The following ST6GALNAC3 variants were observed in gnomAD, a reference collection of about 807,000 sequenced individuals.
The protein encoded by ST6GALNAC3 is alpha-N-acetylgalactosaminide alpha-2,6-sialyltransferase 3.
ST6GALNAC3 carries 25 observed loss-of-function variants against 32.7 expected under a neutral mutation model. The ratio of observed to expected loss-of-function variants is 0.76; its 90% confidence interval spans 0.56 to 1.07. The LOEUF is 1.07. ST6GALNAC3 is among the 50% of genes least tolerant of loss of function. ST6GALNAC3 has a pLI of 0.00. For missense variants in ST6GALNAC3, 355 were observed against 382.4 expected, an observed-to-expected ratio of 0.93 and a Z score of 0.60; for synonymous variants, 129 against 133.1, an observed-to-expected ratio of 0.97 and a Z score of 0.21.
chr1:76,352,072 C>G (rs1377682476), intron 2 of ST6GALNAC3, among the ~76,000 whole-genome samples: 1 of 152,048 alleles, frequency 6.6e-6, no homozygotes, highest in African/African-American at 2.4e-5. Flanking sequence ...ATAAAATTGT[C>G]TTAACCAGGC....
chr1:76,365,960 T>C (rs1650335220), intron 2 of ST6GALNAC3, among the ~76,000 whole-genome samples: 1 of 152,204 alleles, frequency 6.6e-6, no homozygotes, highest in Admixed American at 6.5e-5. Context: ...TGGCAATTCA[T>C]ATGTGTTAGG....
intron 3 of ST6GALNAC3, among the ~76,000 whole-genome samples, chr1:76,569,839 T>C (rs889274903): frequency 4.6e-5 from 7 of 152,154 alleles, no homozygotes; most frequent in Non-Finnish European, 8.8e-5. Flanking sequence ...CCATATTTTA[T>C]CACTTGTGCC....
intron 2 of ST6GALNAC3, among the ~76,000 whole-genome samples, chr1:76,331,075 C>T (rs1305945176): frequency 1.3e-5 from 2 of 152,156 alleles, no homozygotes; most frequent in African/African-American, 4.8e-5. Flanking sequence ...TAGACAATAT[C>T]TAGCATACTC....
intron 3 of ST6GALNAC3, among the ~76,000 whole-genome samples, chr1:76,614,676 G>A (rs1425521549): frequency 4.4e-5 from 6 of 137,916 alleles, no homozygotes; most frequent in African/African-American, 8.8e-5. Flanking sequence ...CAGAGATGGC[G>A]CCACTGCGCT....
chr1:76,587,748 C>G (rs2100570533), intron 3 of ST6GALNAC3, among the ~76,000 whole-genome samples: 1 of 152,300 alleles, frequency 6.6e-6, no homozygotes, highest in Admixed American at 6.5e-5. Flanking sequence ...GTCCCTCAGG[C>G]AGTTCAAATC....
chr1:76,582,180 T>C (rs1260582438), intron 3 of ST6GALNAC3, among the ~76,000 whole-genome samples: 1 of 152,158 alleles, frequency 6.6e-6, no homozygotes, highest in Non-Finnish European at 1.5e-5. Flanking sequence ...AGATGAATGA[T>C]GGTGCCGTAG....
intron 1 of ST6GALNAC3, among the ~76,000 whole-genome samples, chr1:76,241,859 A>G (rs1656984472): frequency 6.6e-6 from 1 of 152,052 alleles, no homozygotes; most frequent in African/African-American, 2.4e-5. Flanking sequence ...AAAATTTAAG[A>G]TTATGTGTGT....
chr1:76,328,166 A>G (rs776895678), intron 2 of ST6GALNAC3, among the ~76,000 whole-genome samples: 12 of 152,166 alleles, frequency 7.9e-5, no homozygotes, highest in Non-Finnish European at 1.5e-4. Context: ...CATATAATCA[A>G]TTACACAGAA....
intron 1 of ST6GALNAC3, among the ~76,000 whole-genome samples, chr1:76,190,323 G>T (rs1317430849): frequency 6.6e-6 from 1 of 152,094 alleles, no homozygotes; most frequent in African/African-American, 2.4e-5. Flanking sequence ...AAAAGTGCAT[G>T]GTACTCCAAC....
At chr1:76,271,583 A>G (rs917497974) in intron 1 of ST6GALNAC3, among the ~76,000 whole-genome samples, 2 of 152,236 alleles carry the variant, frequency 1.3e-5, no homozygotes, top group African/African-American at 4.8e-5. Context: ...AGACAATTCT[A>G]TCTGGAAAGT....
intron 1 of ST6GALNAC3, among the ~76,000 whole-genome samples, chr1:76,304,920 C>G (rs1276739776): frequency 6.6e-6 from 1 of 151,970 alleles, no homozygotes; most frequent in Non-Finnish European, 1.5e-5. Flanking sequence ...GAAAAGATGA[C>G]AAGCAGAGGT....
At chr1:76,585,392 GAAA>G (rs11330040) in intron 3 of ST6GALNAC3, among the ~76,000 whole-genome samples, 1 of 144,480 alleles carries the variant, frequency 6.9e-6, no homozygotes, top group African/African-American at 2.5e-5. Context: ...TCTCAAAAAA[GAAA>G]AAAAAAAAAA....
chr1:76,624,761 G>A (rs901140785), intron 3 of ST6GALNAC3, among the ~76,000 whole-genome samples: 1 of 151,830 alleles, frequency 6.6e-6, no homozygotes, highest in African/African-American at 2.4e-5. Flanking sequence ...GGGAATCATG[G>A]AGTTCTCCCC....
rs923591404 is a variant in ST6GALNAC3, at chr1:76,249,606, G to T, written c.19-64199G>T. Among the ~76,000 whole-genome samples, 10 of 151,962 alleles carry T rather than the reference G, an allele frequency of 6.6e-5. No homozygotes were observed. The South Asian group carries it at 1.9e-3, about 28-fold the overall frequency. The stretch of plus-strand genomic sequence containing the variant: ...TTATGTACAGGTTTTGTGTATATAT[G>T]TGTCTTTAATTCTCTTGGGTATATA... On this transcript the variant is annotated intron_variant, in intron 1 of 4. Coordinates refer to ENST00000328299, the MANE Select transcript of ST6GALNAC3 (RefSeq NM_152996.4).
intron 3 of ST6GALNAC3, among the ~76,000 whole-genome samples, chr1:76,415,830 G>A (rs1336019650): frequency 6.6e-6 from 1 of 152,090 alleles, no homozygotes; most frequent in African/African-American, 2.4e-5. Flanking sequence ...ACAGAGGACA[G>A]AGGTAGTATG....
intron 1 of ST6GALNAC3, among the ~76,000 whole-genome samples, chr1:76,187,943 G>GT (rs994298305): frequency 2.0e-5 from 3 of 151,956 alleles, no homozygotes; most frequent in Non-Finnish European, 2.9e-5. Flanking sequence ...TTTTGTTTTT[G>GT]TTTTTTTCCA....
intron 3 of ST6GALNAC3, among the ~76,000 whole-genome samples, chr1:76,552,038 A>G (rs969892391): frequency 3.9e-5 from 6 of 152,156 alleles, no homozygotes; most frequent in Non-Finnish European, 7.4e-5. Context: ...AAGGGTGTGG[A>G]TATGCAGAGA....
chr1:76,530,885 C>T (rs1663209369), intron 3 of ST6GALNAC3, among the ~76,000 whole-genome samples: 1 of 152,116 alleles, frequency 6.6e-6, no homozygotes, highest in Non-Finnish European at 1.5e-5. Flanking sequence ...GGCCAGGGAG[C>T]TGGGAGATGG....
intron 1 of ST6GALNAC3, among the ~76,000 whole-genome samples, chr1:76,286,705 C>A (rs995689860): frequency 2.6e-5 from 4 of 152,240 alleles, no homozygotes; most frequent in Admixed American, 2.6e-4. Context: ...ATGGCCATGC[C>A]TCAGCCAAAC....
Sources: gnomAD v4.1 joint callset for allele counts (sites outside exome capture counted in the v4.1 genomes callset) on GRCh38, gnomAD v4.1.1 for gene constraint, MANE v1.5 for transcripts, NCBI Gene and HGNC (gene_info 2026-07-23, HGNC 2026-07-21) for gene names.